The following USP49 variants were observed in gnomAD, a reference collection of about 807,000 sequenced individuals.
USP49 encodes ubiquitin carboxyl-terminal hydrolase 49.
A neutral mutation model predicts 58.6 loss-of-function variants in USP49; 24 were observed. That is an observed-to-expected ratio of 0.41 (90% CI 0.30 to 0.58). USP49 has a LOEUF of 0.58. Ranked by LOEUF, USP49 falls within the 20% of genes least tolerant of loss-of-function variation. The pLI is 0.30. For missense variants in USP49, 703 were observed against 866.1 expected (o/e 0.81, Z 2.36); for synonymous variants, 408 against 365.1 (o/e 1.12, Z -1.34).
chr6:41,809,247 G>T (rs1352782334), intron 3 of USP49, among the ~76,000 whole-genome samples: 9 of 151,788 alleles, frequency 5.9e-5, no homozygotes, highest in African/African-American at 2.2e-4. Context: ...AAAAGGCCAG[G>T]TGCGGTGGCT....
chr6:41,848,272 C>T (rs369689332), intron 3 of USP49, among the ~76,000 whole-genome samples: 20 of 151,724 alleles, frequency 1.3e-4, no homozygotes, highest in African/African-American at 4.4e-4. Flanking sequence ...CAACAAAACA[C>T]GAAAAAGGCA....
chr6:41,865,188 G>A (rs757836373), intron 3 of USP49, among the ~76,000 whole-genome samples: 2 of 152,024 alleles, frequency 1.3e-5, no homozygotes, highest in African/African-American at 2.4e-5. Flanking sequence ...AGGATTACAG[G>A]CACCCGCCAT....
chr6:41,880,025 AGTAAT>A (rs1243522195), intron 2 of USP49, among the ~76,000 whole-genome samples: 1 of 152,212 alleles, frequency 6.6e-6, no homozygotes, highest in Non-Finnish European at 1.5e-5. Flanking sequence ...GAAATGAACA[AGTAAT>A]GTATTTTAAG....
rs35851122 is a variant in USP49, at chr6:41,883,353, C to CAA, written c.-103+8439_-103+8440dup. Among the ~76,000 whole-genome samples the CAA allele has an allele frequency of 5.9e-4, 29 of 48,944 alleles. 1 individual carries two copies. Among genetic ancestry groups the CAA allele is most frequent in the East Asian group, 1.7e-3 (3 of 1,736 alleles). The allele number at this position is 48,944 out of a possible 152,430, so 32.1% of individuals were successfully genotyped here. On this transcript the variant is annotated intron_variant, in intron 2 of 7. Coordinates refer to ENST00000682992, the MANE Select transcript of USP49 (RefSeq NM_001286554.2). ...TGGGAGACAGAGTGAGACTCTGTCTCAAAAAAAAAAAAAAAAAAAAATGCC... is the reference window on the plus strand; with the variant it reads ...TGGGAGACAGAGTGAGACTCTGTCTCAAAAAAAAAAAAAAAAAAAAAAATGCC...
intron 3 of USP49, among the ~76,000 whole-genome samples, chr6:41,858,967 CA>C (rs1774175471): frequency 6.6e-6 from 1 of 152,080 alleles, no homozygotes; most frequent in African/African-American, 2.4e-5. Context: ...CAGCACCTAC[CA>C]GAAAAAAGAT....
At chr6:41,883,190 A>G (rs1044935322) in intron 2 of USP49, among the ~76,000 whole-genome samples, 2 of 151,910 alleles carry the variant, frequency 1.3e-5, no homozygotes, top group Non-Finnish European at 2.9e-5. Flanking sequence ...TGCCTCTACT[A>G]AAAATACAAA....
At chr6:41,800,998 G>A (rs1229596809) in intron 5 of USP49, among the ~76,000 whole-genome samples, 1 of 152,198 alleles carries the variant, frequency 6.6e-6, no homozygotes, top group East Asian at 1.9e-4. Context: ...TTCTAACTGT[G>A]GGGGAAATGC....
intron 5 of USP49, among the ~76,000 whole-genome samples, chr6:41,801,324 C>T (rs1298353968): frequency 6.6e-6 from 1 of 152,150 alleles, no homozygotes; most frequent in Non-Finnish European, 1.5e-5. Flanking sequence ...CATCTGATTC[C>T]AAGTCCTGTC....
In USP49 at chr6:41,849,832, T is replaced by C. The variant is rs188691822; in HGVS notation, c.-29+21732A>G. 3.9e-3 allele frequency among the ~76,000 whole-genome samples: 597 copies of C among 152,184 alleles called. 4 individuals are homozygous for C. Among genetic ancestry groups the C allele is most frequent in the African/African-American group, 0.014 (578 of 41,524 alleles). On this transcript the variant is annotated intron_variant, in intron 3 of 7. Transcript: ENST00000682992. Reference sequence around the variant, plus strand: ...CATGTTGGCCAATATGGTCTTGATCTCCTGACCTCATGATCCACCGCTTCG... The same window carrying C: ...CATGTTGGCCAATATGGTCTTGATCCCCTGACCTCATGATCCACCGCTTCG...
At position 41,799,870 on chromosome 6, in the gene USP49, T is replaced by C. The variant is rs1376265290; in HGVS notation, c.1630A>G (p.Arg544Gly). The C allele has an allele frequency of 6.2e-7, 1 of 1,614,138 alleles. No individual in the cohort carries two copies. The highest frequency in any genetic ancestry group is 2.2e-5 in the East Asian group (1 of 44,880). Residue 544 changes from arginine (R) to glycine (G), a missense_variant, in exon 6 of 8, where the codon AGA (arginine) becomes GGA (glycine). Around this residue, in one of 6 missense-constraint regions of USP49, gnomAD observed 158 missense variants for 241.2 expected, o/e 0.66. Coordinates refer to ENST00000682992, the MANE Select transcript of USP49 (RefSeq NM_001286554.2). Reference sequence around the variant, plus strand: ...TGCAGCCGGAGAACCTGAGGTAGTCTGTAGATCATTAACTGCTTTCTAGCT... The same window carrying C: ...TGCAGCCGGAGAACCTGAGGTAGTCCGTAGATCATTAACTGCTTTCTAGCT... ...SEARKQLMIY[R>G]LPQVLRLHLK...
intron 3 of USP49, among the ~76,000 whole-genome samples, chr6:41,823,062 T>C (rs1444823491): frequency 6.6e-6 from 1 of 152,210 alleles, no homozygotes; most frequent in African/African-American, 2.4e-5. Context: ...GGCAGGGCTA[T>C]ATGTACAACA....
chr6:41,881,342 C>G (rs149832379), intron 2 of USP49, among the ~76,000 whole-genome samples: 1 of 33,170 alleles, frequency 3.0e-5, no homozygotes, highest in African/African-American at 1.2e-4. Flanking sequence ...GAATAGAAAA[C>G]AGAGGTCCCT....
chr6:41,817,186 G>A (rs1773369512), intron 3 of USP49, among the ~76,000 whole-genome samples: 1 of 106,858 alleles, frequency 9.4e-6, no homozygotes, highest in African/African-American at 4.3e-5. Flanking sequence ...GTCTTGCTCT[G>A]TCGCCAGGCT....
chr6:41,820,878 G>A (rs1773440736), intron 3 of USP49, among the ~76,000 whole-genome samples: 1 of 152,128 alleles, frequency 6.6e-6, no homozygotes. Context: ...GCATGTGCCT[G>A]TAGTCCTAGC....
At chr6:41,882,532 G>T (rs894743069) in intron 2 of USP49, among the ~76,000 whole-genome samples, 1 of 152,170 alleles carries the variant, frequency 6.6e-6, no homozygotes, top group African/African-American at 2.4e-5. Context: ...CAATCTGGAT[G>T]ATCTAAGTCC....
At chr6:41,889,582 A>G (rs1031098214) in intron 2 of USP49, among the ~76,000 whole-genome samples, 2 of 152,124 alleles carry the variant, frequency 1.3e-5, no homozygotes, top group African/African-American at 2.4e-5. Context: ...ACACTGTGAC[A>G]CAGTTTTTTC....
chr6:41,819,513 C>T (rs978630848), intron 3 of USP49, among the ~76,000 whole-genome samples: 2 of 152,014 alleles, frequency 1.3e-5, no homozygotes, highest in African/African-American at 4.8e-5. Flanking sequence ...GTATATATGT[C>T]AGACTTTCTT....
intron 3 of USP49, among the ~76,000 whole-genome samples, chr6:41,840,919 T>C (rs897524038): frequency 3.3e-5 from 5 of 151,896 alleles, no homozygotes; most frequent in Non-Finnish European, 2.9e-5. Context: ...GCAGGATGAC[T>C]GTTTGAGCCA....
chr6:41,825,531 T>C (rs1773523956), intron 3 of USP49, among the ~76,000 whole-genome samples: 1 of 152,144 alleles, frequency 6.6e-6, no homozygotes, highest in Admixed American at 6.5e-5. Flanking sequence ...CTGTGGTAAA[T>C]GTGCTGAACA....
Sources: allele counts gnomAD v4.1 joint callset (sites outside exome capture counted in the v4.1 genomes callset), GRCh38; gene constraint gnomAD v4.1.1; regional missense constraint gnomAD v4.1.1; transcripts MANE v1.5; gene names NCBI Gene and HGNC (gene_info 2026-07-23, HGNC 2026-07-21).